The following KIAA1217 variants were observed in gnomAD, a reference collection of about 807,000 sequenced individuals.
KIAA1217 encodes the protein sickle tail protein homolog.
In KIAA1217, 88 loss-of-function variants were observed where a neutral mutation model predicts 163.9. The ratio of observed to expected loss-of-function variants is 0.54; its 90% confidence interval spans 0.45 to 0.64. The LOEUF (loss-of-function observed/expected upper bound fraction) is 0.64, where lower values mean the gene tolerates loss of function less well. Ranked by LOEUF, KIAA1217 falls within the 30% of genes least tolerant of loss-of-function variation. The pLI is 0.00. For missense variants in KIAA1217, 2,372 were observed against 2,475.0 expected, an observed-to-expected ratio of 0.96 and a Z score of 0.88; for synonymous variants, 903 against 923.1, an observed-to-expected ratio of 0.98 and a Z score of 0.39.
At position 24,473,364 on chromosome 10, in the gene KIAA1217, C is replaced by A. The variant is rs555063425; in HGVS notation, c.983C>A (p.Ser328Tyr). Residue 328 changes from serine (S) to tyrosine (Y), a missense_variant, in exon 6 of 21, where the codon TCC (serine) becomes TAC (tyrosine). By Grantham distance (144) the Ser-to-Tyr change is moderately radical. Transcript: ENST00000376454. ...CCCCATTCCATGCCCCCCTCCCCGT[C>A]CAGAATTCCTTATGGGGGCACCCGC... ...PVPHSMPPSP[S>Y]RIPYGGTRSM... 1 of 1,608,024 alleles carries A rather than the reference C, an allele frequency of 6.2e-7. No individual in the cohort carries two copies. The highest frequency in any genetic ancestry group is 1.1e-5 in the South Asian group (1 of 90,210).
At chr10:24,478,740 A>G (rs1404198142) in intron 6 of KIAA1217, among the ~76,000 whole-genome samples, 5 of 152,202 alleles carry the variant, frequency 3.3e-5, no homozygotes, top group African/African-American at 1.2e-4. Flanking sequence ...ACTTCATTAA[A>G]CAGCATCATT....
intron 1 of KIAA1217, among the ~76,000 whole-genome samples, chr10:23,726,055 T>C (rs1251764929): frequency 6.6e-6 from 1 of 152,168 alleles, no homozygotes; most frequent in Non-Finnish European, 1.5e-5. Context: ...AAAATAGTGT[T>C]TTATGGTGTT....
At chr10:24,214,739 A>C (rs970593578) in intron 1 of KIAA1217, among the ~76,000 whole-genome samples, 3 of 152,170 alleles carry the variant, frequency 2.0e-5, no homozygotes, top group African/African-American at 7.2e-5. Flanking sequence ...TCTCAGCACA[A>C]TTGAGAAGGA....
intron 1 of KIAA1217, among the ~76,000 whole-genome samples, chr10:23,732,078 G>T (rs1475589379): frequency 1.3e-5 from 2 of 151,854 alleles, no homozygotes; most frequent in Non-Finnish European, 2.9e-5. Flanking sequence ...TCTGGTTTTG[G>T]TATTAGGATA....
At chr10:23,970,279 A>G (rs530354142) in intron 1 of KIAA1217, among the ~76,000 whole-genome samples, 9 of 152,304 alleles carry the variant, frequency 5.9e-5, no homozygotes, top group African/African-American at 1.2e-4. Flanking sequence ...ATTTAGTTCT[A>G]TGTTCTATAA....
At chr10:24,180,093 A>G (rs1001296069) in intron 2 of KIAA1217, among the ~76,000 whole-genome samples, 1 of 152,130 alleles carries the variant, frequency 6.6e-6, no homozygotes, top group African/African-American at 2.4e-5. Flanking sequence ...CTTTTAGGCA[A>G]AAATAGGGGT....
At chr10:23,859,756 AACTT>A (rs1449632843) in intron 1 of KIAA1217, among the ~76,000 whole-genome samples, 1 of 152,148 alleles carries the variant, frequency 6.6e-6, no homozygotes, top group Non-Finnish European at 1.5e-5. Flanking sequence ...TAAGTATAGA[AACTT>A]ACAACATTTT....
chr10:24,253,651 G>C (rs182934191), intron 2 of KIAA1217, among the ~76,000 whole-genome samples: 1 of 151,864 alleles, frequency 6.6e-6, no homozygotes, highest in African/African-American at 2.4e-5. Flanking sequence ...AGAATCTCTT[G>C]AACCTGGGAG....
intron 5 of KIAA1217, among the ~76,000 whole-genome samples, chr10:24,453,921 G>T (rs532785114): frequency 4.6e-5 from 7 of 152,188 alleles, no homozygotes; most frequent in African/African-American, 1.7e-4. Context: ...TATTAAATGA[G>T]TACTAGGACA....
chr10:24,193,995 T>C (rs2066858217), intron 2 of KIAA1217, among the ~76,000 whole-genome samples: 1 of 152,072 alleles, frequency 6.6e-6, no homozygotes, highest in Non-Finnish European at 1.5e-5. Flanking sequence ...GAGACCAGCC[T>C]GGCCAACATG....
intron 3 of KIAA1217, among the ~76,000 whole-genome samples, chr10:24,421,927 G>A (rs190448970): frequency 2.6e-4 from 40 of 152,138 alleles, no homozygotes; most frequent in Middle Eastern, 3.4e-3. Flanking sequence ...CTATGTCTTC[G>A]TCTGTTCTCA....
At chr10:23,720,525 C>A (rs1051346226) in intron 1 of KIAA1217, among the ~76,000 whole-genome samples, 2 of 151,878 alleles carry the variant, frequency 1.3e-5, no homozygotes, top group Non-Finnish European at 2.9e-5. Flanking sequence ...ATAGAATGAA[C>A]GAGGGTTTGG....
At position 23,695,412 on chromosome 10, in the gene KIAA1217, A is replaced by T. The variant is rs767765584; in HGVS notation, c.-321+178A>T. Reference sequence around the variant, plus strand: ...ACCCCCCCAGGAGGGCCAGGCCGGGAGGGGTCCCGGTGCGGTGATGGGGTG... The same window carrying T: ...ACCCCCCCAGGAGGGCCAGGCCGGGTGGGGTCCCGGTGCGGTGATGGGGTG... On this transcript the variant is annotated intron_variant, in intron 1 of 18. Coordinates refer to the KIAA1217 transcript ENST00000376462. This position sits in a 1 kb window ranked among gnomAD's most constrained non-coding sequence, Gnocchi z 4.9. Among the ~76,000 whole-genome samples, 1 of 152,200 alleles carries T rather than the reference A, an allele frequency of 6.6e-6. No individual in the cohort carries two copies. Among genetic ancestry groups the T allele is most frequent in the Non-Finnish European group, 1.5e-5 (1 of 67,990 alleles).
chr10:23,934,557 G>GTATATATATATATATATATATATATA (rs778185120), intron 1 of KIAA1217, among the ~76,000 whole-genome samples: 2 of 44,348 alleles, frequency 4.5e-5, no homozygotes, highest in Non-Finnish European at 7.9e-5. Context: ...GGTCTTTAAA[G>GTATATATATATATATATATATATATA]TATATATATA....
intron 1 of KIAA1217, among the ~76,000 whole-genome samples, chr10:23,997,760 G>A (rs1846553448): frequency 1.3e-5 from 2 of 152,012 alleles, no homozygotes; most frequent in South Asian, 4.1e-4. Flanking sequence ...CAGGCATCAG[G>A]GCCCTGTATA....
chr10:24,228,011 G>T (rs1318962877), intron 2 of KIAA1217, among the ~76,000 whole-genome samples: 1 of 152,056 alleles, frequency 6.6e-6, no homozygotes, highest in African/African-American at 2.4e-5. Flanking sequence ...AGGAGAGCTG[G>T]CTCACACCTA....
chr10:23,875,605 C>A (rs542850993), intron 1 of KIAA1217, among the ~76,000 whole-genome samples: 1 of 151,994 alleles, frequency 6.6e-6, no homozygotes, highest in African/African-American at 2.4e-5. Context: ...TGGGGATATA[C>A]CCAAATGATT....
chr10:24,045,809 G>A (rs1332887283), intron 2 of KIAA1217, among the ~76,000 whole-genome samples: 8 of 152,050 alleles, frequency 5.3e-5, no homozygotes, highest in African/African-American at 1.9e-4. Context: ...TGTGATACTG[G>A]TGTGTTTTTA....
At chr10:23,754,721 T>G (rs938271898) in intron 1 of KIAA1217, among the ~76,000 whole-genome samples, 4 of 152,158 alleles carry the variant, frequency 2.6e-5, no homozygotes, top group Non-Finnish European at 5.9e-5. Flanking sequence ...CCTTGAATCC[T>G]GACACTCAGC....
Sources: gnomAD v4.1 joint callset for allele counts (sites outside exome capture counted in the v4.1 genomes callset) on GRCh38, gnomAD v4.1.1 for gene constraint, Gnocchi (gnomAD v3.1) non-coding constraint, MANE v1.5 for transcripts, NCBI Gene and HGNC (gene_info 2026-07-23, HGNC 2026-07-21) for gene names.